Variants in PXN observed in about 807,000 individuals in gnomAD.
PXN encodes the protein paxillin.
Under a neutral mutation model 103.6 loss-of-function variants are expected in PXN, and 61 were observed. That is an observed-to-expected ratio of 0.59 (90% confidence interval 0.48 to 0.73). PXN has a LOEUF of 0.73. Among genes scored for constraint, PXN ranks in the 30% least tolerant of loss-of-function variants. The pLI is 0.00. For missense variants in PXN, 1,274 were observed against 1,460.3 expected (o/e 0.87, Z 2.08); for synonymous variants, 562 against 607.8 (o/e 0.92, Z 1.11).
intron 3 of PXN, 33 bp downstream of exon 3, chr12:120,223,685 A>C (rs1024259010): frequency 6.7e-7 from 1 of 1,487,970 alleles, no homozygotes; most frequent in Admixed American, 2.0e-5. Flanking sequence ...TCTAAGCAGG[A>C]GGGAAGGTGC....
In PXN at chr12:120,219,235, G is replaced by A; in HGVS notation, c.1688C>T (p.Thr563Ile). ...PCAMAMGTPS[T>I]TERISTSGQI... ...GCCAGAGGTGGAAATCCTCTCCGTG[G>A]TGCTGGGTGTGCCCATGGCCATGGC... Residue 563 changes from threonine (T) to isoleucine (I), a missense_variant, in exon 7 of 15, where the codon ACC becomes ATC. Physicochemically the swap from Thr to Ile is moderately conservative, Grantham distance 89. Transcript: ENST00000637617. This position sits in a 1 kb window ranked among gnomAD's most constrained non-coding sequence, Gnocchi z 6.5. 4 of 1,591,804 alleles carry A rather than the reference G, an allele frequency of 2.5e-6. No individual in the cohort carries two copies. The highest frequency in any genetic ancestry group is 2.6e-6 in the Non-Finnish European group (3 of 1,175,238).
In PXN at chr12:120,265,654, G is replaced by C; in HGVS notation, c.-25C>G. On this transcript the variant is annotated 5_prime_UTR_variant, in exon 1 of 15. Coordinates refer to ENST00000637617, the MANE Select transcript of PXN (RefSeq NM_001385981.1). The surrounding 1 kb of genome is among the most constrained non-coding windows in gnomAD (Gnocchi z 5.7). ...TGGCCGGACCACGGGCGCCGGCTCA[G>C]GGTCGCGCTAGCTGCCCGTCCCGGG... 6.8e-7 allele frequency: 1 copy of C among 1,462,702 alleles called. No individual in the cohort carries two copies. Among genetic ancestry groups the C allele is most frequent in the Non-Finnish European group, 9.0e-7 (1 of 1,111,630 alleles). The allele number at this position is 1,462,702 out of a possible 1,614,324, so 90.6% of individuals were successfully genotyped here.
rs1057295286 is a variant in PXN at position 120,214,693 on chromosome 12, A to G, written c.2748+132T>C. 8.2e-6 allele frequency: 10 copies of G among 1,217,968 alleles called. No homozygotes were observed. The Admixed American group carries it at 1.7e-4, about 21-fold the overall frequency. 75.4% of individuals were successfully genotyped at this position (1,217,968 alleles called of 1,614,324 possible). A position where few individuals can be genotyped will look rare whatever the true frequency, so the allele number is the denominator to read the frequency against. On this transcript the variant is annotated intron_variant, in intron 12 of 14. Transcript: ENST00000637617. The surrounding 1 kb of genome is among the most constrained non-coding windows in gnomAD (Gnocchi z 5.0). ...CAGGTGTGGCTGTGAATCCGGCCCC[A>G]CTGTTCCCTAGCCCTGTGAGCCTCG...
At position 120,219,808 on chromosome 12, in the gene PXN, A is replaced by G. The variant is rs1223413150; in HGVS notation, c.1115T>C (p.Leu372Pro). The change falls in exon 7 of 15, where the codon CTG becomes CCG. Residue 372 changes from leucine to proline, a missense_variant. Physicochemically the swap from Leu to Pro is moderately conservative, Grantham distance 98. Around this residue, in one of 2 missense-constraint regions of PXN, gnomAD observed 1,178 missense variants for 1,309.0 expected, o/e 0.90. Transcript: ENST00000637617. This position sits in a 1 kb window ranked among gnomAD's most constrained non-coding sequence, Gnocchi z 6.5. ...CTGACTCTCTGTGCCCACTGCCCACAGAGAACCCTCCACAGAGGGAGACCT... is the reference window on the plus strand; with the variant it reads ...CTGACTCTCTGTGCCCACTGCCCACGGAGAACCCTCCACAGAGGGAGACCT... The part of the protein sequence containing the change: ...NSRSPSVEGS[L>P]WAVGTESQGR... 8 of 1,598,408 alleles carry G rather than the reference A, an allele frequency of 5.0e-6. No individual in the cohort carries two copies. The highest frequency in any genetic ancestry group is 6.8e-6 in the Non-Finnish European group (8 of 1,179,788).
intron 1 of PXN, chr12:120,226,887 G>A: frequency 1.0e-6 from 1 of 992,158 alleles, no homozygotes; most frequent in Non-Finnish European, 1.2e-6. Context: ...TACACTGGAA[G>A]CTGCAGACAT....
intron 1 of PXN, chr12:120,249,937 C>T (rs1891877513): frequency 2.0e-6 from 2 of 985,336 alleles, no homozygotes; most frequent in South Asian, 4.7e-5. Context: ...AACTGCACAT[C>T]CACTGCTTGG....
intron 1 of PXN, among the ~76,000 whole-genome samples, chr12:120,233,105 T>C (rs1160795928): frequency 2.0e-5 from 3 of 152,234 alleles, no homozygotes; most frequent in Non-Finnish European, 4.4e-5. Context: ...GCTCAGTGCC[T>C]ACCTGAACTT....
At position 120,214,462 on chromosome 12, in the gene PXN, G is replaced by A. The variant is rs1467411851; in HGVS notation, c.2749-245C>T. Among the ~76,000 whole-genome samples, 1 of 152,204 alleles carries A rather than the reference G, an allele frequency of 6.6e-6. No homozygotes were observed. The highest frequency in any genetic ancestry group is 1.9e-4 in the East Asian group (1 of 5,200). ...CCCAAGTAGAGGGCACAAGTTCTAT[G>A]ACTCCCATTTTATAAGTGAAGAAAC... On this transcript the variant is annotated intron_variant, in intron 12 of 14. Coordinates refer to ENST00000637617, the MANE Select transcript of PXN (RefSeq NM_001385981.1). This position sits in a 1 kb window ranked among gnomAD's most constrained non-coding sequence, Gnocchi z 5.0.
chr12:120,227,097 G>A, intron 1 of PXN: 1 of 986,152 alleles, frequency 1.0e-6, no homozygotes, highest in Non-Finnish European at 1.2e-6. Context: ...TAGAATATGA[G>A]CAAACCATGA....
rs898429158 is a variant in PXN, at chr12:120,217,768, GTT to G, written c.1717-654_1717-653del. On this transcript the variant is annotated intron_variant, in intron 7 of 14. Coordinates refer to ENST00000637617, the MANE Select transcript of PXN (RefSeq NM_001385981.1). This position sits in a 1 kb window ranked among gnomAD's most constrained non-coding sequence, Gnocchi z 4.1. The stretch of plus-strand genomic sequence containing the variant: ...CTAATTTTTGTTGTTGTTGTTTTTT[GTT>G]TTTTTTTTTAGTAGAGATGGGGTTT... Among the ~76,000 whole-genome samples, 1 of 142,272 alleles carries G rather than the reference GTT, an allele frequency of 7.0e-6. No homozygotes were observed. The highest frequency in any genetic ancestry group is 2.6e-5 in the African/African-American group (1 of 38,858). 93.3% of individuals were successfully genotyped at this position (142,272 alleles called of 152,430 possible).
chr12:120,233,937 C>G (rs1235061839), intron 1 of PXN, among the ~76,000 whole-genome samples: 5 of 152,130 alleles, frequency 3.3e-5, no homozygotes, highest in Non-Finnish European at 7.4e-5. Flanking sequence ...TCCATACCCC[C>G]AGGGGACAGA....
rs776069625 is a variant in PXN at position 120,224,226 on chromosome 12, G to A, written c.165C>T (p.Ser55=). The change falls in exon 2 of 15, where the codon AGC becomes AGT. Residue 55 remains serine (S), a synonymous_variant. Transcript: ENST00000637617. This position sits in a 1 kb window ranked among gnomAD's most constrained non-coding sequence, Gnocchi z 5.0. ...CAAGGATTGTGCCATTGAGGGCCTC[G>A]CTGGACGGGGGTGGGGGGACGGGGG... ...VPPPVPPPPS[S]EALNGTILDP... is the part of the protein sequence containing the mutation. 1.3e-5 allele frequency: 21 copies of A among 1,612,784 alleles called. No individual in the cohort carries two copies. The highest frequency in any genetic ancestry group is 3.3e-5 in the South Asian group (3 of 90,994).
At position 120,215,281 on chromosome 12, in the gene PXN, C is replaced by T; in HGVS notation, c.2404-8G>A. The stretch of plus-strand genomic sequence containing the variant: ...CTTCCCCTGGGCCATGAACTGTGGA[C>T]ACGGAGGGGGCTGGTCAGGACTCCT... On this transcript the variant is annotated splice_polypyrimidine_tract_variant and splice_region_variant and intron_variant, in intron 10 of 14. Coordinates refer to ENST00000637617, the MANE Select transcript of PXN (RefSeq NM_001385981.1). This position sits in a 1 kb window ranked among gnomAD's most constrained non-coding sequence, Gnocchi z 4.9. The T allele has an allele frequency of 6.3e-7, 1 of 1,579,602 alleles. No individual in the cohort carries two copies. Among genetic ancestry groups the T allele is most frequent in the Admixed American group, 1.8e-5 (1 of 54,994 alleles).
rs560394968 is a variant in PXN, at chr12:120,212,738, T to C, written c.2980-158A>G. On this transcript the variant is annotated intron_variant, in intron 14 of 14. Coordinates refer to ENST00000637617, the MANE Select transcript of PXN (RefSeq NM_001385981.1). The surrounding 1 kb of genome is among the most constrained non-coding windows in gnomAD (Gnocchi z 7.2). ...GTTGTCCTAAACGCTCATTTTTCAT[T>C]TTTATTTTATTAAATAAATTTTTTT... 2.6e-5 allele frequency: 20 copies of C among 764,632 alleles called. No individual in the cohort carries two copies. In the South Asian group the frequency reaches 3.3e-4, roughly 13 times the overall value. 47.4% of individuals were successfully genotyped at this position (764,632 alleles called of 1,614,324 possible).
intron 1 of PXN, among the ~76,000 whole-genome samples, chr12:120,247,950 A>T (rs1453165353): frequency 6.6e-6 from 1 of 152,258 alleles, no homozygotes; most frequent in African/African-American, 2.4e-5. Flanking sequence ...TCAATTCATC[A>T]TGAAGACATA....
At chr12:120,243,623 T>C (rs550020310) in intron 1 of PXN, among the ~76,000 whole-genome samples, 3 of 152,302 alleles carry the variant, frequency 2.0e-5, no homozygotes, top group Admixed American at 2.0e-4. Flanking sequence ...ACCCAGGTGT[T>C]TGAAGCTGCA....
In PXN at chr12:120,212,944, T is replaced by TTTTTTAA; in HGVS notation, c.2980-365_2980-364insTTAAAAA. On this transcript the variant is annotated intron_variant, in intron 14 of 14. Transcript: ENST00000637617. This position sits in a 1 kb window ranked among gnomAD's most constrained non-coding sequence, Gnocchi z 7.2. ...GCAGCTACTGAGGTCACAGCCTGGA[T>TTTTTTAA]TCATACACAGGTCTGACTCCTGAGC... The TTTTTTAA allele has an allele frequency of 1.5e-5, 3 of 194,730 alleles. No homozygotes were observed. Among genetic ancestry groups the TTTTTTAA allele is most frequent in the South Asian group, 1.1e-4 (1 of 9,426 alleles). The allele number at this position is 194,730 out of a possible 1,614,324, so 12.1% of individuals were successfully genotyped here.
In PXN at chr12:120,217,068, T is replaced by C. The variant is rs1288560734; in HGVS notation, c.1765A>G (p.Met589Val). The C allele has an allele frequency of 6.3e-7, 1 of 1,591,518 alleles. No homozygotes were observed. The highest frequency in any genetic ancestry group is 1.3e-5 in the African/African-American group (1 of 74,740). ...CGGCGAGGGGAGGGCTCCCGGGACA[T>C]GGGGTGTGCGTGGCCAGACTCCCAG... The part of the protein sequence containing the change: ...RSWESGHAHP[M>V]SREPSPRRRL... The change falls in exon 8 of 15, where the codon ATG becomes GTG. Residue 589 changes from methionine (M) to valine (V), a missense_variant. Met to Val is a conservative substitution (Grantham distance 21). Coordinates refer to ENST00000637617, the MANE Select transcript of PXN (RefSeq NM_001385981.1). The surrounding 1 kb of genome is among the most constrained non-coding windows in gnomAD (Gnocchi z 4.1).
In PXN at chr12:120,217,238, G is replaced by T; in HGVS notation, c.1717-122C>A. The T allele has an allele frequency of 1.2e-6, 1 of 815,330 alleles. No individual in the cohort carries two copies. The highest frequency in any genetic ancestry group is 2.0e-6 in the Non-Finnish European group (1 of 508,164). 50.5% of individuals were successfully genotyped at this position (815,330 alleles called of 1,614,324 possible). A position where few individuals can be genotyped will look rare whatever the true frequency, so the allele number is the denominator to read the frequency against. ...AAGAAAACCACCAAAGAACCAAGCG[G>T]AGGTGGGTGGAGGCACGGGGAGGGG... On this transcript the variant is annotated intron_variant, in intron 7 of 14. Coordinates refer to ENST00000637617, the MANE Select transcript of PXN (RefSeq NM_001385981.1). This position sits in a 1 kb window ranked among gnomAD's most constrained non-coding sequence, Gnocchi z 4.1.
Sources: gnomAD v4.1 joint callset for allele counts (sites outside exome capture counted in the v4.1 genomes callset) on GRCh38, gnomAD v4.1.1 for gene constraint, gnomAD v4.1.1 regional missense constraint, Gnocchi (gnomAD v3.1) non-coding constraint, MANE v1.5 for transcripts, NCBI Gene and HGNC (gene_info 2026-07-23, HGNC 2026-07-21) for gene names.